The following OSBPL6 variants were observed in gnomAD, a reference collection of about 807,000 sequenced individuals.
OSBPL6 encodes the protein oxysterol binding protein like 6.
OSBPL6 carries 49 observed loss-of-function variants against 125.8 expected under a neutral mutation model. The ratio of observed to expected loss-of-function variants is 0.39; its 90% CI spans 0.31 to 0.49. The LOEUF (loss-of-function observed/expected upper bound fraction) is 0.49, where lower values mean the gene tolerates loss of function less well. Among genes scored for constraint, OSBPL6 ranks in the 20% least tolerant of loss-of-function variants. OSBPL6 has a pLI of 0.88. For missense variants in OSBPL6, 986 were observed against 1,135.4 expected, an observed-to-expected ratio of 0.87 and a Z score of 1.89; for synonymous variants, 394 against 391.8, an observed-to-expected ratio of 1.01 and a Z score of -0.07.
chr2:178,381,742 A>C (rs933301645), intron 15 of OSBPL6, among the ~76,000 whole-genome samples: 1 of 152,146 alleles, frequency 6.6e-6, no homozygotes, highest in African/African-American at 2.4e-5. Flanking sequence ...CTGAAAACCA[A>C]ATCTGACTCC....
chr2:178,282,870 C>G (rs539147229), intron 1 of OSBPL6, among the ~76,000 whole-genome samples: 18 of 152,266 alleles, frequency 1.2e-4, no homozygotes, highest in African/African-American at 3.9e-4. Context: ...CCAAGCTGGT[C>G]TCGATCTCCT....
At chr2:178,378,039 G>T (rs968584980) in intron 15 of OSBPL6, among the ~76,000 whole-genome samples, 2 of 152,048 alleles carry the variant, frequency 1.3e-5, no homozygotes, top group African/African-American at 2.4e-5. Context: ...ATGTTGGCCA[G>T]GTTGGTCTTG....
chr2:178,292,108 C>A (rs1161764505), intron 2 of OSBPL6, among the ~76,000 whole-genome samples: 2 of 151,958 alleles, frequency 1.3e-5, no homozygotes, highest in African/African-American at 4.8e-5. Flanking sequence ...TCCCATCCCC[C>A]ACCCTCCAGT....
At chr2:178,204,540 C>G (rs1331266912) in intron 1 of OSBPL6, among the ~76,000 whole-genome samples, 1 of 152,216 alleles carries the variant, frequency 6.6e-6, no homozygotes, top group African/African-American at 2.4e-5. Flanking sequence ...CACTCCTTTC[C>G]TCTCTCTTGG....
At chr2:178,209,439 C>CTTTTTTTTTTTT (rs71850875) in intron 1 of OSBPL6, among the ~76,000 whole-genome samples, 1 of 95,752 alleles carries the variant, frequency 1.0e-5, no homozygotes, top group Non-Finnish European at 2.1e-5. Flanking sequence ...TTCTTTCTTT[C>CTTTTTTTTTTTT]TTTTTTTTTT....
At chr2:178,233,852 A>G (rs1370913578) in intron 1 of OSBPL6, among the ~76,000 whole-genome samples, 1 of 152,178 alleles carries the variant, frequency 6.6e-6, no homozygotes, top group Non-Finnish European at 1.5e-5. Flanking sequence ...GGCACATGAT[A>G]ATTCTTCTAT....
rs567038760 is a variant in OSBPL6, at chr2:178,311,353, T to C, written c.102+5067T>C. On this transcript the variant is annotated intron_variant, in intron 3 of 24. Coordinates refer to ENST00000190611, the MANE Select transcript of OSBPL6 (RefSeq NM_032523.4). ...TTGGGCAGCCTTCTCTGCCCTTCCC[T>C]GCATGTACCCATCTCTCCTTGTCCA... 2.6e-5 allele frequency among the ~76,000 whole-genome samples: 4 copies of C among 152,298 alleles called. No homozygotes were observed. The South Asian group carries it at 8.3e-4, about 32-fold the overall frequency.
chr2:178,385,312 C>T (rs1022518207), intron 18 of OSBPL6, 146 bp from the exon 19 acceptor site: 2 of 616,068 alleles, frequency 3.2e-6, no homozygotes, highest in East Asian at 5.6e-5. Flanking sequence ...TATTTCCCCT[C>T]TAAATTGTAT....
At chr2:178,250,928 C>G (rs1158038924) in intron 1 of OSBPL6, among the ~76,000 whole-genome samples, 1 of 151,370 alleles carries the variant, frequency 6.6e-6, no homozygotes. Flanking sequence ...CAACTCTAAG[C>G]CCATGGTAGA....
chr2:178,240,565 TA>T (rs1371780571), intron 1 of OSBPL6, among the ~76,000 whole-genome samples: 2 of 151,936 alleles, frequency 1.3e-5, no homozygotes, highest in Admixed American at 6.5e-5. Context: ...ACTAACTAAC[TA>T]ACTAATGAAA....
chr2:178,308,186 G>C (rs943918669), intron 3 of OSBPL6, among the ~76,000 whole-genome samples: 1 of 152,194 alleles, frequency 6.6e-6, no homozygotes, highest in Non-Finnish European at 1.5e-5. Context: ...TTTTGTGTCT[G>C]TCTACCTCCC....
At chr2:178,344,448 G>C (rs895716412) in intron 11 of OSBPL6, 2 of 1,266,718 alleles carry the variant, frequency 1.6e-6, no homozygotes, top group Non-Finnish European at 2.3e-6. Flanking sequence ...GGTGCCACTG[G>C]TGTGTGATGG....
At chr2:178,222,011 CTA>C (rs2090361464) in intron 1 of OSBPL6, among the ~76,000 whole-genome samples, 1 of 152,124 alleles carries the variant, frequency 6.6e-6, no homozygotes, top group South Asian at 2.1e-4. Flanking sequence ...CTCTCTTTTT[CTA>C]TGTTATGCAT....
At position 178,400,110 on chromosome 2, in the gene OSBPL6, T is replaced by A. The variant is rs1474691491; in HGVS notation, c.*4551T>A. 1 of 152,044 alleles carries A rather than the reference T, an allele frequency of 6.6e-6. No homozygotes were observed. Among genetic ancestry groups the A allele is most frequent in the Non-Finnish European group, 1.5e-5 (1 of 68,018 alleles). 9.4% of individuals were successfully genotyped at this position (152,044 alleles called of 1,614,324 possible). A position where few individuals can be genotyped will look rare whatever the true frequency, so the allele number is the denominator to read the frequency against. Reference sequence around the variant, plus strand: ...TTCTTCTAACACTTAATTCATAAAGTGAGCAATTGAACTTCTTAATACTGT... The same window carrying A: ...TTCTTCTAACACTTAATTCATAAAGAGAGCAATTGAACTTCTTAATACTGT... On this transcript the variant is annotated 3_prime_UTR_variant, in exon 25 of 25. Transcript: ENST00000190611.
chr2:178,376,264 G>C (rs1693865225), intron 15 of OSBPL6, among the ~76,000 whole-genome samples: 1 of 151,982 alleles, frequency 6.6e-6, no homozygotes, highest in Admixed American at 6.6e-5. Flanking sequence ...CTCCGCCAGG[G>C]GAGAAACCCC....
intron 12 of OSBPL6, among the ~76,000 whole-genome samples, chr2:178,350,631 T>C (rs974907494): frequency 6.6e-6 from 1 of 152,208 alleles, no homozygotes; most frequent in Non-Finnish European, 1.5e-5. Context: ...TAAGGCCAGC[T>C]CTCTCTTACC....
At chr2:178,382,661 T>C (rs781068075) in intron 16 of OSBPL6, 154 bp downstream of exon 16, 1 of 1,496,256 alleles carries the variant, frequency 6.7e-7, no homozygotes, top group Non-Finnish European at 8.9e-7. Flanking sequence ...TTTTGTATGA[T>C]CTCTTGAGGT....
intron 12 of OSBPL6, among the ~76,000 whole-genome samples, chr2:178,361,139 G>A (rs769896749): frequency 1.3e-5 from 2 of 152,166 alleles, no homozygotes; most frequent in Admixed American, 6.5e-5. Flanking sequence ...CAACGCAAGT[G>A]CTGTTCTTAA....
Position 178,388,992 on chromosome 2 carries a change from G to GT in OSBPL6, c.2157-15dup, listed in dbSNP as rs1034229472. ...GTGACCTTGGTTGTTTTTCATCAGT[G>GT]TTACATTCTTCACTAGGTATGGAGA... On this transcript the variant is annotated splice_polypyrimidine_tract_variant and intron_variant, in intron 20 of 24. Coordinates refer to ENST00000190611, the MANE Select transcript of OSBPL6 (RefSeq NM_032523.4). The GT allele has an allele frequency of 1.9e-6, 3 of 1,612,398 alleles. No homozygotes were observed. The African/African-American group carries it at 4.0e-5, about 22-fold the overall frequency.
Sources: gnomAD v4.1 joint callset for allele counts (sites outside exome capture counted in the v4.1 genomes callset) on GRCh38, gnomAD v4.1.1 for gene constraint, MANE v1.5 for transcripts, NCBI Gene and HGNC (gene_info 2026-07-23, HGNC 2026-07-21) for gene names.